Variants in OSBPL10 observed in about 807,000 individuals in gnomAD.
The protein encoded by OSBPL10 is oxysterol-binding protein-related protein 10.
OSBPL10 carries 49 observed loss-of-function variants against 81.7 expected under a neutral mutation model. The ratio of observed to expected loss-of-function variants is 0.60; its 90% CI spans 0.48 to 0.76. The LOEUF (loss-of-function observed/expected upper bound fraction) is 0.76. OSBPL10 is among the 30% of genes least tolerant of loss of function. The probability of loss-of-function intolerance (pLI) is 0.00; values close to 1 mark genes in which losing one functional copy is unlikely to be tolerated. For missense variants in OSBPL10, 923 were observed against 987.8 expected, an observed-to-expected ratio of 0.93 and a Z score of 0.88; for synonymous variants, 419 against 383.6, an observed-to-expected ratio of 1.09 and a Z score of -1.08.
chr3:31,663,258 C>A (rs1186392028), intron 11 of OSBPL10: 1 of 984,416 alleles, frequency 1.0e-6, no homozygotes, highest in Non-Finnish European at 1.2e-6. Flanking sequence ...TGAGATTTCT[C>A]ATAAAAATTT....
intron 4 of OSBPL10, among the ~76,000 whole-genome samples, chr3:31,753,186 T>C (rs1697772470): frequency 4.9e-5 from 1 of 20,336 alleles, no homozygotes; most frequent in Admixed American, 6.5e-4. Flanking sequence ...GCTTCAAGGA[T>C]TTTTTTTTTT....
intron 1 of OSBPL10, among the ~76,000 whole-genome samples, chr3:31,927,585 T>C (rs992219456): frequency 2.7e-5 from 4 of 149,590 alleles, no homozygotes; most frequent in African/African-American, 1.0e-4. Flanking sequence ...TATACTGATA[T>C]AAAAGGAACA....
chr3:31,871,956 T>C (rs1701339456), intron 3 of OSBPL10, among the ~76,000 whole-genome samples: 1 of 152,208 alleles, frequency 6.6e-6, no homozygotes, highest in South Asian at 2.1e-4. Context: ...CACAAGTAGA[T>C]TCTCATAAGA....
chr3:31,784,646 G>A (rs930331870), intron 4 of OSBPL10, among the ~76,000 whole-genome samples: 11 of 144,962 alleles, frequency 7.6e-5, no homozygotes, highest in Non-Finnish European at 1.4e-4. Flanking sequence ...ACAGTGGTGC[G>A]TTCTTAGCTC....
At chr3:31,682,234 T>C (rs1414610360) in intron 8 of OSBPL10, among the ~76,000 whole-genome samples, 5 of 152,192 alleles carry the variant, frequency 3.3e-5, no homozygotes, top group African/African-American at 1.2e-4. Flanking sequence ...AGGGTCTGTT[T>C]TCAACAAACG....
intron 4 of OSBPL10, among the ~76,000 whole-genome samples, chr3:31,774,735 A>G (rs1235217271): frequency 4.0e-5 from 6 of 149,722 alleles, no homozygotes; most frequent in Non-Finnish European, 7.4e-5. Flanking sequence ...CTGGTCTCGC[A>G]CTCCTGACCT....
rs61492992 is a variant in OSBPL10 at position 31,720,881 on chromosome 3, CAAAAAAAAAAAAAA to C, written c.1095+12362_1095+12375del. ...TGGGCAACAGAGCGAGACTCTGTCT[CAAAAAAAAAAAAAA>C]AAAAAAAAAGGCCCAAAGATGTCCA... On this transcript the variant is annotated intron_variant, in intron 6 of 11. Transcript: ENST00000396556. 1.1e-4 allele frequency among the ~76,000 whole-genome samples: 7 copies of C among 66,314 alleles called. No homozygotes were observed. The Admixed American group carries it at 1.2e-3, about 12-fold the overall frequency. The allele number at this position is 66,314 out of a possible 152,430, so 43.5% of individuals were successfully genotyped here.
At chr3:32,026,146 A>AT (rs1366095982) in intron 2 of OSBPL10, among the ~76,000 whole-genome samples, 8 of 151,242 alleles carry the variant, frequency 5.3e-5, no homozygotes, top group East Asian at 1.9e-4. Flanking sequence ...AGATATATAG[A>AT]TTTTTTTTTG....
chr3:31,867,763 AAGGGAGGG>A (rs111336656), intron 3 of OSBPL10, among the ~76,000 whole-genome samples: 12 of 136,708 alleles, frequency 8.8e-5, no homozygotes, highest in East Asian at 5.1e-4. Context: ...GGGAGGAAGG[AAGGGAGGG>A]AGGGAGGGAG....
At chr3:31,663,857 C>CA (rs1700121268) in intron 11 of OSBPL10, 3 of 1,428,478 alleles carry the variant, frequency 2.1e-6, no homozygotes, top group Non-Finnish European at 2.7e-6. Context: ...GGGGAAGTGT[C>CA]AGTTGCTCAG....
chr3:31,988,231 A>G (rs1376128049), intron 2 of OSBPL10, among the ~76,000 whole-genome samples: 1 of 152,138 alleles, frequency 6.6e-6, no homozygotes. Flanking sequence ...CTTTAGTTTC[A>G]CAGATCAGAG....
chr3:31,867,580 A>G (rs1701210818), intron 3 of OSBPL10, among the ~76,000 whole-genome samples: 1 of 152,118 alleles, frequency 6.6e-6, no homozygotes, highest in Non-Finnish European at 1.5e-5. Flanking sequence ...TGTCTCTACT[A>G]AAAATACAAA....
chr3:31,762,616 A>C (rs576152747), intron 4 of OSBPL10, among the ~76,000 whole-genome samples: 262 of 92,320 alleles, frequency 2.8e-3, no homozygotes, highest in African/African-American at 0.011. Flanking sequence ...CCTATGCACA[A>C]CACCATGCCC....
intron 1 of OSBPL10, among the ~76,000 whole-genome samples, chr3:31,891,577 G>A (rs1695891067): frequency 6.6e-6 from 1 of 152,158 alleles, no homozygotes; most frequent in African/African-American, 2.4e-5. Context: ...ATTCCTAAAT[G>A]CAGACAGTAA....
Position 31,664,241 on chromosome 3 carries a change from G to A in OSBPL10, c.2097-9C>T, listed in dbSNP as rs766118418. 1 of 1,611,590 alleles carries A rather than the reference G, an allele frequency of 6.2e-7. No homozygotes were observed. Among genetic ancestry groups the A allele is most frequent in the Admixed American group, 1.7e-5 (1 of 60,020 alleles). ...CCTCCCGCCAGAGGTTCCTGGGGAT[G>A]CGTGGAGGAGAGGAAACAATCAGCC... On this transcript the variant is annotated splice_polypyrimidine_tract_variant and intron_variant, in intron 10 of 11. Coordinates refer to ENST00000396556, the MANE Select transcript of OSBPL10 (RefSeq NM_017784.5).
At chr3:31,987,041 C>A (rs1291446325) in intron 2 of OSBPL10, among the ~76,000 whole-genome samples, 1 of 151,874 alleles carries the variant, frequency 6.6e-6, no homozygotes, top group East Asian at 1.9e-4. Flanking sequence ...ATTTCTAAAC[C>A]ACTGCTAATA....
At position 31,697,754 on chromosome 3, in the gene OSBPL10, C is replaced by G. The variant is rs577535328; in HGVS notation, c.1245+4605G>C. 2.0e-5 allele frequency among the ~76,000 whole-genome samples: 3 copies of G among 152,030 alleles called. No homozygotes were observed. In the East Asian group the frequency reaches 5.8e-4, roughly 29 times the overall value. On this transcript the variant is annotated intron_variant, in intron 7 of 11. Coordinates refer to ENST00000396556, the MANE Select transcript of OSBPL10 (RefSeq NM_017784.5). ...CACCAGCACCTCACCTAGGTTATTA[C>G]AGTAGCTTCCTCCTCTTTTTTTTTT...
chr3:31,856,740 T>C (rs1381425493), intron 3 of OSBPL10, among the ~76,000 whole-genome samples: 1 of 152,182 alleles, frequency 6.6e-6, no homozygotes, highest in East Asian at 1.9e-4. Context: ...TTCAGTAAGA[T>C]GTACGAGTTG....
chr3:31,764,013 C>T (rs1349751774), intron 4 of OSBPL10, among the ~76,000 whole-genome samples: 1 of 152,216 alleles, frequency 6.6e-6, no homozygotes, highest in Non-Finnish European at 1.5e-5. Flanking sequence ...ACAATTCCTG[C>T]ACACGAACTG....
Sources: gnomAD v4.1 joint callset for allele counts (sites outside exome capture counted in the v4.1 genomes callset) on GRCh38, gnomAD v4.1.1 for gene constraint, MANE v1.5 for transcripts, NCBI Gene and HGNC (gene_info 2026-07-23, HGNC 2026-07-21) for gene names.